Variants in MCF2L observed in about 807,000 individuals in gnomAD.
MCF2L encodes the protein MCF.2 cell line derived transforming sequence like, also known as guanine nucleotide exchange factor DBS.
In MCF2L, 97 loss-of-function variants were observed where a neutral mutation model predicts 153.4. That is an observed-to-expected ratio of 0.63 (90% CI 0.54 to 0.75). MCF2L has a LOEUF of 0.75. Among genes scored for constraint, MCF2L ranks in the 30% least tolerant of loss-of-function variants. The probability of loss-of-function intolerance (pLI) is 0.00; values close to 1 mark genes in which losing one functional copy is unlikely to be tolerated. For synonymous variants in MCF2L, 659 were observed against 632.2 expected (o/e 1.04, Z -0.64); for missense variants, 1,347 against 1,495.2 (o/e 0.90, Z 1.64).
rs1053114193 is a variant in MCF2L, at chr13:113,046,156, C to T, written c.369+795C>T. The stretch of plus-strand genomic sequence containing the variant: ...AGAAGCCCCCAAATCTTATTTTTGT[C>T]GGTAGCTCCCACCCGTATGCATGAC... On this transcript the variant is annotated intron_variant, in intron 4 of 29. Transcript: ENST00000535094. This position sits in a 1 kb window ranked among gnomAD's most constrained non-coding sequence, Gnocchi z 4.4. The T allele has an allele frequency of 4.3e-5, 7 of 164,602 alleles. No homozygotes were observed. The East Asian group carries it at 9.2e-4, about 22-fold the overall frequency. 10.2% of individuals were successfully genotyped at this position (164,602 alleles called of 1,614,324 possible). A position where few individuals can be genotyped will look rare whatever the true frequency, so the allele number is the denominator to read the frequency against.
In MCF2L at chr13:113,011,601, A is replaced by G. The variant is rs952053757; in HGVS notation, c.80-3162A>G. On this transcript the variant is annotated intron_variant, in intron 1 of 29. Coordinates refer to ENST00000535094, the MANE Select transcript of MCF2L (RefSeq NM_001112732.3). ...TGGACAGGTGGTGTGGACGGTGGACACTGCAGTGTGGATGGTGGACAGGTG... is the reference window on the plus strand; with the variant it reads ...TGGACAGGTGGTGTGGACGGTGGACGCTGCAGTGTGGATGGTGGACAGGTG... Among the ~76,000 whole-genome samples, 3 of 149,992 alleles carry G rather than the reference A, an allele frequency of 2.0e-5. 1 individual carries two copies. Among genetic ancestry groups the G allele is most frequent in the African/African-American group, 7.4e-5 (3 of 40,322 alleles).
rs1391609349 is a variant in MCF2L at position 113,027,209 on chromosome 13, C to T, written c.278+2451C>T. ...CTTTAAAGACAACAGCGCACTGGGCCTGGTAACTGAGAGCTCAGCCCGTCG... is the reference window on the plus strand; with the variant it reads ...CTTTAAAGACAACAGCGCACTGGGCTTGGTAACTGAGAGCTCAGCCCGTCG... On this transcript the variant is annotated intron_variant, in intron 3 of 29. Coordinates refer to ENST00000535094, the MANE Select transcript of MCF2L (RefSeq NM_001112732.3). This position sits in a 1 kb window ranked among gnomAD's most constrained non-coding sequence, Gnocchi z 4.8. 3 of 606,388 alleles carry T rather than the reference C, an allele frequency of 4.9e-6. No homozygotes were observed. The highest frequency in any genetic ancestry group is 9.0e-6 in the Non-Finnish European group (3 of 333,150). The allele number at this position is 606,388 out of a possible 1,614,324, so 37.6% of individuals were successfully genotyped here.
At chr13:113,043,612 T>G (rs1001121456) in intron 3 of MCF2L, 1 of 152,242 alleles carries the variant, frequency 6.6e-6, no homozygotes, top group Non-Finnish European at 1.5e-5. Flanking sequence ...GAAGTAAGAT[T>G]CCCTGTACCC....
chr13:113,082,573 C>T (rs754764750), intron 17 of MCF2L, 31 bp downstream of exon 17: 9 of 1,434,700 alleles, frequency 6.3e-6, no homozygotes, highest in African/African-American at 4.2e-5. Context: ...CAGGCACGCA[C>T]CCGTGATCTC....
At chr13:113,063,282 A>G (rs2031810890) in intron 5 of MCF2L, among the ~76,000 whole-genome samples, 1 of 152,144 alleles carries the variant, frequency 6.6e-6, no homozygotes, top group African/African-American at 2.4e-5. Flanking sequence ...GCCCCTGTCC[A>G]CACAGCCACC....
intron 2 of MCF2L, among the ~76,000 whole-genome samples, chr13:112,962,708 C>T (rs2993344): frequency 0.66 from 99,600 of 152,018 alleles, 32,930 homozygotes; most frequent in Non-Finnish European, 0.71. Context: ...CCGGGACCTC[C>T]CCCCAGGCTC....
chr13:113,017,461 G>A (rs1299757236), intron 2 of MCF2L, among the ~76,000 whole-genome samples: 3 of 152,186 alleles, frequency 2.0e-5, no homozygotes, highest in South Asian at 2.1e-4. Flanking sequence ...AGGGCCCACC[G>A]TATAATCCAT....
At chr13:112,981,126 G>A (rs770411543) in intron 1 of MCF2L, among the ~76,000 whole-genome samples, 29 of 147,826 alleles carry the variant, frequency 2.0e-4, no homozygotes, top group Middle Eastern at 3.6e-3. Flanking sequence ...ACCCCAAGAC[G>A]TCCCTTCCTG....
chr13:113,044,472 T>A, intron 3 of MCF2L: 1 of 636,122 alleles, frequency 1.6e-6, no homozygotes, highest in African/African-American at 1.8e-5. Context: ...GATTTTCATG[T>A]AAACCTAGGA....
Position 113,076,065 on chromosome 13 carries a change from G to A in MCF2L, c.1408G>A (p.Glu470Lys), listed in dbSNP as rs2141932345. 5.0e-6 allele frequency: 8 copies of A among 1,614,090 alleles called. No homozygotes were observed. The highest frequency in any genetic ancestry group is 5.9e-6 in the Non-Finnish European group (7 of 1,180,020). ...CGCGGAGGCTGCCCTCCAGGAAATC[G>A]AGAAGTTTTTGGAGACCGGTGCGGA... ...DGAEAALQEI[E>K]KFLETGAENK... The change falls in exon 12 of 30, where the codon GAG becomes AAG. Residue 470 changes from glutamate to lysine, a missense_variant. By Grantham distance (56) the Glu-to-Lys change is moderately conservative. Around this residue, in one of 3 missense-constraint regions of MCF2L, gnomAD observed 820 missense variants for 921.2 expected, o/e 0.89. Transcript: ENST00000535094.
chr13:113,057,071 C>A lies in MCF2L; in HGVS notation c.370-3522C>A, dbSNP rs535295823. Reference sequence around the variant, plus strand: ...TGTTTGGGTGCTGTGTGTTTGGGTGCTGAGTGTTTTGGTGCTGAGTGTTTG... The same window carrying A: ...TGTTTGGGTGCTGTGTGTTTGGGTGATGAGTGTTTTGGTGCTGAGTGTTTG... On this transcript the variant is annotated intron_variant, in intron 4 of 29. Transcript: ENST00000535094. 2.3e-5 allele frequency among the ~76,000 whole-genome samples: 3 copies of A among 128,116 alleles called. No individual in the cohort carries two copies. In the East Asian group the frequency reaches 7.7e-4, roughly 33 times the overall value. 84.0% of individuals were successfully genotyped at this position (128,116 alleles called of 152,430 possible). A position where few individuals can be genotyped will look rare whatever the true frequency, so the allele number is the denominator to read the frequency against.
At chr13:113,057,666 TTTGGGTGCTGAGTG>T (rs2030381767) in intron 4 of MCF2L, among the ~76,000 whole-genome samples, 1 of 136,654 alleles carries the variant, frequency 7.3e-6, no homozygotes, top group Non-Finnish European at 1.6e-5. Flanking sequence ...GTGCTGTGTG[TTTGGGTGCTGAGTG>T]TTGGGTGCTG....
chr13:113,006,749 C>T (rs2083724236), intron 1 of MCF2L, among the ~76,000 whole-genome samples: 1 of 152,216 alleles, frequency 6.6e-6, no homozygotes, highest in African/African-American at 2.4e-5. Flanking sequence ...CCTGCGGGTG[C>T]CACCAGCCCT....
chr13:113,085,142 A>C lies in MCF2L; in HGVS notation c.2211A>C (p.Pro737=). The C allele has an allele frequency of 1.9e-6, 3 of 1,613,638 alleles. No individual in the cohort carries two copies. The South Asian group carries it at 3.3e-5, about 18-fold the overall frequency. ...GCCTGGACTCCTACCTGCTGAAGCC[A>C]GTGCAGAGGATCACCAAGTACCAGC... ...KLSLDSYLLK[P]VQRITKYQLL... Residue 737 remains proline, a synonymous_variant, in exon 20 of 30, where the codon CCA becomes CCC. Transcript: ENST00000535094.
chr13:112,923,257 C>CTTTTTTTTTTTTTTT (rs57030206), intron 2 of MCF2L, among the ~76,000 whole-genome samples: 1 of 78,444 alleles, frequency 1.3e-5, no homozygotes, highest in Non-Finnish European at 2.3e-5. Flanking sequence ...GTGTTTGCTT[C>CTTTTTTTTTTTTTTT]TTTTTTTTTT....
rs1432456768 is a variant in MCF2L at position 113,096,777 on chromosome 13, C to T, written c.3296C>T (p.Ser1099Leu). ...GSAQCLSSSESSPGSAVLSNS... is the reference protein window; with the variant it reads ...GSAQCLSSSELSPGSAVLSNS... Reference sequence around the variant, plus strand: ...TCCCCGCCTGATCTCCCCGCAGAGTCGAGCCCGGGGTCGGCCGTGCTGAGC... The same window carrying T: ...TCCCCGCCTGATCTCCCCGCAGAGTTGAGCCCGGGGTCGGCCGTGCTGAGC... The change falls in exon 30 of 30, where the codon TCG (serine) becomes TTG (leucine). Residue 1099 changes from serine (S) to leucine (L), a missense_variant. Transcript: ENST00000535094. 1 of 1,567,668 alleles carries T rather than the reference C, an allele frequency of 6.4e-7. No individual in the cohort carries two copies. The highest frequency in any genetic ancestry group is 8.6e-7 in the Non-Finnish European group (1 of 1,165,966).
chr13:112,921,410 C>G (rs2081352000), intron 2 of MCF2L, among the ~76,000 whole-genome samples: 1 of 152,168 alleles, frequency 6.6e-6, no homozygotes, highest in African/African-American at 2.4e-5. Flanking sequence ...CACTGTTTAC[C>G]TGTCAGCATC....
chr13:113,047,873 A>G (rs796618978), intron 4 of MCF2L, among the ~76,000 whole-genome samples: 19 of 51,632 alleles, frequency 3.7e-4, no homozygotes, highest in African/African-American at 1.3e-3. Flanking sequence ...CGCGTGCCCC[A>G]GAGCCTCCGC....
intron 2 of MCF2L, among the ~76,000 whole-genome samples, chr13:113,020,368 C>T (rs1180654380): frequency 3.3e-5 from 5 of 152,220 alleles, no homozygotes; most frequent in Non-Finnish European, 7.3e-5. Flanking sequence ...CTTGGTCACC[C>T]GGCTTGGCCG....
Sources: gnomAD v4.1 joint callset for allele counts (sites outside exome capture counted in the v4.1 genomes callset) on GRCh38, gnomAD v4.1.1 for gene constraint, gnomAD v4.1.1 regional missense constraint, Gnocchi (gnomAD v3.1) non-coding constraint, MANE v1.5 for transcripts, NCBI Gene and HGNC (gene_info 2026-07-23, HGNC 2026-07-21) for gene names.